CTNNA3: variants seen among roughly 807,000 people sequenced by gnomAD.
The protein encoded by CTNNA3 is catenin alpha-3.
CTNNA3 carries 76 observed loss-of-function variants against 95.7 expected under a neutral mutation model. That is an observed-to-expected ratio of 0.79 (90% CI 0.66 to 0.96). CTNNA3 has a LOEUF of 0.96. Ranked by LOEUF, CTNNA3 falls within the 40% of genes least tolerant of loss-of-function variation. The pLI is 0.00. For synonymous variants in CTNNA3, 431 were observed against 374.4 expected (o/e 1.15, Z -1.74); for missense variants, 1,191 against 1,089.8 (o/e 1.09, Z -1.31).
chr10:67,721,354 C>A (rs1841178796), intron 1 of CTNNA3, among the ~76,000 whole-genome samples: 1 of 151,976 alleles, frequency 6.6e-6, no homozygotes, highest in Non-Finnish European at 1.5e-5. Flanking sequence ...TTTGTTCATT[C>A]CTTTTCATTT....
At chr10:67,020,420 G>A (rs984899175) in intron 7 of CTNNA3, among the ~76,000 whole-genome samples, 1 of 152,108 alleles carries the variant, frequency 6.6e-6, no homozygotes, top group African/African-American at 2.4e-5. Context: ...GATGGCAGCA[G>A]GGATATTGTA....
intron 1 of CTNNA3, among the ~76,000 whole-genome samples, chr10:67,732,281 C>T (rs1841279582): frequency 6.6e-6 from 1 of 151,984 alleles, no homozygotes; most frequent in Admixed American, 6.6e-5. Flanking sequence ...GTATATAAAA[C>T]AATTTAAATT....
intron 7 of CTNNA3, among the ~76,000 whole-genome samples, chr10:66,934,747 G>A (rs977447323): frequency 6.6e-6 from 1 of 152,070 alleles, no homozygotes; most frequent in Non-Finnish European, 1.5e-5. Flanking sequence ...CTTCTCAAGG[G>A]TAAAATATAG....
chr10:66,728,180 C>T (rs935864046), intron 9 of CTNNA3, among the ~76,000 whole-genome samples: 6 of 152,170 alleles, frequency 3.9e-5, no homozygotes, highest in African/African-American at 1.2e-4. Context: ...ACCAGAAACA[C>T]TACATTTCCC....
intron 17 of CTNNA3, among the ~76,000 whole-genome samples, chr10:65,932,585 C>T (rs978700133): frequency 4.6e-5 from 7 of 152,048 alleles, no homozygotes; most frequent in African/African-American, 1.7e-4. Flanking sequence ...AATTCCAAAT[C>T]GCCGTAACTC....
chr10:67,643,160 C>T (rs903185056), intron 2 of CTNNA3, among the ~76,000 whole-genome samples: 4 of 152,266 alleles, frequency 2.6e-5, no homozygotes, highest in East Asian at 1.9e-4. Flanking sequence ...AACAAGTTCA[C>T]GTCCTTTGTA....
At chr10:67,600,813 A>G (rs1029661630) in intron 3 of CTNNA3, among the ~76,000 whole-genome samples, 6 of 152,250 alleles carry the variant, frequency 3.9e-5, no homozygotes, top group African/African-American at 1.4e-4. Context: ...TCAAATGTTC[A>G]TCAGCAATAG....
At chr10:66,448,609 T>A (rs1003839131) in intron 11 of CTNNA3, among the ~76,000 whole-genome samples, 4 of 146,468 alleles carry the variant, frequency 2.7e-5, no homozygotes, top group Non-Finnish European at 4.4e-5. Context: ...TTCTCACTCA[T>A]AGGTGGGAAT....
intron 6 of CTNNA3, among the ~76,000 whole-genome samples, chr10:67,217,372 T>C (rs555577346): frequency 1.1e-4 from 17 of 152,350 alleles, no homozygotes; most frequent in Admixed American, 9.8e-4. Context: ...ATAAAAAATA[T>C]AGAAAACTTA....
chr10:66,930,097 A>G (rs1165356494), intron 7 of CTNNA3, among the ~76,000 whole-genome samples: 1 of 152,170 alleles, frequency 6.6e-6, no homozygotes, highest in Non-Finnish European at 1.5e-5. Flanking sequence ...TGCTGAGAGG[A>G]AAAATCTAGG....
At chr10:67,679,487 A>G (rs1840588293) in intron 1 of CTNNA3, among the ~76,000 whole-genome samples, 1 of 152,226 alleles carries the variant, frequency 6.6e-6, no homozygotes, top group Non-Finnish European at 1.5e-5. Context: ...GAATTCACAA[A>G]TGTTTTCCCA....
intron 4 of CTNNA3, among the ~76,000 whole-genome samples, chr10:67,534,633 T>C (rs1252738463): frequency 6.6e-6 from 1 of 152,198 alleles, no homozygotes; most frequent in Non-Finnish European, 1.5e-5. Flanking sequence ...ACTACATTCA[T>C]GTATTCTGGT....
At chr10:67,413,634 C>G (rs1034779144) in intron 5 of CTNNA3, among the ~76,000 whole-genome samples, 11 of 152,234 alleles carry the variant, frequency 7.2e-5, no homozygotes, top group African/African-American at 2.6e-4. Flanking sequence ...ATGCATTCTT[C>G]TCATCTGCAC....
chr10:67,204,074 G>A (rs1192785454), intron 6 of CTNNA3, among the ~76,000 whole-genome samples: 2 of 152,100 alleles, frequency 1.3e-5, no homozygotes, highest in Non-Finnish European at 2.9e-5. Flanking sequence ...TTCCTAAGAA[G>A]GAAATGGGCT....
rs758915160 is a variant in CTNNA3, at chr10:66,536,898, A to G, written c.1375-16125T>C. Among the ~76,000 whole-genome samples the G allele has an allele frequency of 2.8e-4, 43 of 152,270 alleles. No homozygotes were observed. The Middle Eastern group carries it at 0.01, about 36-fold the overall frequency. Reference sequence around the variant, plus strand: ...TCTCTCTTCTATTATACAACTGGGTATATAGGAAGGAATTTTATGTATCCT... The same window carrying G: ...TCTCTCTTCTATTATACAACTGGGTGTATAGGAAGGAATTTTATGTATCCT... On this transcript the variant is annotated intron_variant, in intron 10 of 17. Coordinates refer to ENST00000433211, the MANE Select transcript of CTNNA3 (RefSeq NM_013266.4).
At chr10:66,571,823 T>G (rs1289938105) in intron 10 of CTNNA3, among the ~76,000 whole-genome samples, 3 of 152,144 alleles carry the variant, frequency 2.0e-5, no homozygotes, top group Non-Finnish European at 4.4e-5. Flanking sequence ...AAATCTATAA[T>G]GACCCTATGT....
At chr10:66,951,816 G>T (rs914513133) in intron 7 of CTNNA3, among the ~76,000 whole-genome samples, 1 of 152,136 alleles carries the variant, frequency 6.6e-6, no homozygotes, top group Non-Finnish European at 1.5e-5. Flanking sequence ...GGAGGTAGGG[G>T]ATGCATACAG....
At chr10:67,606,698 G>A (rs1252414075) in intron 3 of CTNNA3, among the ~76,000 whole-genome samples, 159 bp downstream of exon 3, 2 of 152,150 alleles carry the variant, frequency 1.3e-5, no homozygotes, top group African/African-American at 4.8e-5. Flanking sequence ...CCTTGGAGCT[G>A]TCTAATGAGC....
intron 7 of CTNNA3, among the ~76,000 whole-genome samples, chr10:67,019,312 G>C (rs867084211): frequency 1.3e-5 from 2 of 152,092 alleles, no homozygotes; most frequent in South Asian, 4.1e-4. Flanking sequence ...TCTGCCTTCC[G>C]GGTCCAAGCG....
Sources: gnomAD v4.1 joint callset for allele counts (sites outside exome capture counted in the v4.1 genomes callset) on GRCh38, gnomAD v4.1.1 for gene constraint, MANE v1.5 for transcripts, NCBI Gene and HGNC (gene_info 2026-07-23, HGNC 2026-07-21) for gene names.